Variants in P3H2 observed in about 807,000 individuals in gnomAD.
P3H2 encodes the protein prolyl 3-hydroxylase 2, also known as leprecan-like 1.
In P3H2, 80 loss-of-function variants were observed where a neutral mutation model predicts 87.0. The ratio of observed to expected loss-of-function variants is 0.92; its 90% CI spans 0.77 to 1.11. P3H2 has a LOEUF of 1.11. P3H2 is among the 50% of genes least tolerant of loss of function. The pLI is 0.00. For missense variants in P3H2, 1,001 were observed against 923.9 expected (o/e 1.08, Z -1.08); for synonymous variants, 367 against 359.3 (o/e 1.02, Z -0.24).
At chr3:190,062,386 C>T (rs1246963716) in intron 1 of P3H2, among the ~76,000 whole-genome samples, 2 of 152,156 alleles carry the variant, frequency 1.3e-5, no homozygotes, top group Admixed American at 6.6e-5. Flanking sequence ...TTATTTAATG[C>T]TCTAGTCTCA....
At chr3:190,062,287 T>C (rs999391772) in intron 1 of P3H2, among the ~76,000 whole-genome samples, 1 of 152,138 alleles carries the variant, frequency 6.6e-6, no homozygotes, top group African/African-American at 2.4e-5. Context: ...ATTACCTGTC[T>C]TTTGGCATCT....
intron 8 of P3H2, among the ~76,000 whole-genome samples, chr3:189,979,455 A>G (rs1360397589): frequency 2.0e-5 from 3 of 152,136 alleles, no homozygotes; most frequent in South Asian, 2.1e-4. Flanking sequence ...AGAACTTTTT[A>G]TGTTTACCAT....
At chr3:190,095,757 C>T (rs1273562177) in intron 1 of P3H2, among the ~76,000 whole-genome samples, 6 of 151,880 alleles carry the variant, frequency 4.0e-5, no homozygotes, top group African/African-American at 1.2e-4. Flanking sequence ...CCCGCCACCA[C>T]GCCTGGCTAA....
At chr3:190,085,735 TTAATA>T (rs146525170) in intron 1 of P3H2, among the ~76,000 whole-genome samples, 1,892 of 152,262 alleles carry the variant, frequency 0.012, 40 homozygotes, top group African/African-American at 0.043. Flanking sequence ...ATTGGCATAT[TTAATA>T]TATTTATTAA....
intron 1 of P3H2, among the ~76,000 whole-genome samples, chr3:190,038,486 G>GAAAAAA (rs57971408): frequency 1.1e-5 from 1 of 92,618 alleles, no homozygotes; most frequent in African/African-American, 4.1e-5. Context: ...ACTGCAGAAT[G>GAAAAAA]AAAAAAAAAA....
intron 1 of P3H2, among the ~76,000 whole-genome samples, chr3:190,077,615 T>C (rs1042480619): frequency 6.6e-6 from 1 of 152,164 alleles, no homozygotes; most frequent in Non-Finnish European, 1.5e-5. Flanking sequence ...TACCTCATCA[T>C]GTAGAAGGGA....
intron 1 of P3H2, among the ~76,000 whole-genome samples, chr3:189,996,912 CCACTACA>C (rs923307232): frequency 6.6e-6 from 1 of 152,212 alleles, no homozygotes; most frequent in Non-Finnish European, 1.5e-5. Flanking sequence ...TTTTGAACCA[CCACTACA>C]CAGACACTGC....
chr3:189,971,284 C>T (rs1167122601), intron 12 of P3H2, among the ~76,000 whole-genome samples: 2 of 152,124 alleles, frequency 1.3e-5, no homozygotes, highest in Non-Finnish European at 2.9e-5. Context: ...TGTTGTTTTT[C>T]TCTTTAACTT....
chr3:189,982,950 A>C, intron 8 of P3H2, 96 bp downstream of exon 8: 1 of 893,918 alleles, frequency 1.1e-6, no homozygotes, highest in Non-Finnish European at 1.9e-6. Context: ...TTTATTTTCT[A>C]GAGAAAGTGG....
At chr3:190,050,212 A>G (rs1448447762) in intron 1 of P3H2, among the ~76,000 whole-genome samples, 1 of 152,168 alleles carries the variant, frequency 6.6e-6, no homozygotes, top group East Asian at 1.9e-4. Context: ...CTTACGCTGA[A>G]CCATAATCTA....
At chr3:190,041,274 T>TAAA (rs67754532) in intron 1 of P3H2, among the ~76,000 whole-genome samples, 62 of 117,766 alleles carry the variant, frequency 5.3e-4, no homozygotes, top group African/African-American at 1.9e-3. Context: ...TAACCTGTCT[T>TAAA]AAAAAAAAAA....
chr3:190,086,988 C>T lies in P3H2; in HGVS notation c.480+33264G>A, dbSNP rs138667681. On this transcript the variant is annotated intron_variant, in intron 1 of 14. Coordinates refer to ENST00000319332, the MANE Select transcript of P3H2 (RefSeq NM_018192.4). ...ATCTGATGTGGAGCATAAGCTTTAA[C>T]TTATTTACACATAAGAGCAGTAGTA... Among the ~76,000 whole-genome samples the T allele has an allele frequency of 2.3e-3, 347 of 152,332 alleles. 1 individual carries two copies. The highest frequency in any genetic ancestry group is 7.7e-3 in the African/African-American group (320 of 41,570).
chr3:189,996,230 T>C (rs1211105371), intron 1 of P3H2, among the ~76,000 whole-genome samples: 3 of 152,100 alleles, frequency 2.0e-5, no homozygotes, highest in African/African-American at 7.2e-5. Flanking sequence ...AGCAGATGAA[T>C]GGATAAAGAA....
At chr3:190,016,301 T>C (rs990090649) in intron 1 of P3H2, among the ~76,000 whole-genome samples, 2 of 152,210 alleles carry the variant, frequency 1.3e-5, no homozygotes, top group African/African-American at 2.4e-5. Context: ...TGGAGTACAA[T>C]GGTGTGATCT....
chr3:190,038,987 C>T (rs1381503333), intron 1 of P3H2, among the ~76,000 whole-genome samples: 2 of 152,058 alleles, frequency 1.3e-5, no homozygotes, highest in Non-Finnish European at 2.9e-5. Context: ...GTCGCGAGTT[C>T]AAGACCAGCC....
intron 1 of P3H2, among the ~76,000 whole-genome samples, chr3:190,017,374 G>A (rs1560364065): frequency 6.6e-6 from 1 of 151,996 alleles, no homozygotes; most frequent in Non-Finnish European, 1.5e-5. Context: ...CAAAAGTTTG[G>A]GAATCATCCC....
At chr3:190,120,971 C>G, upstream of P3H2, 1 of 535,318 alleles carries the variant, frequency 1.9e-6, no homozygotes, top group Non-Finnish European at 3.1e-6. Context: ...CCTGAGACTC[C>G]GAGAGCCGCT....
chr3:189,963,436 A>G (rs837680), intron 14 of P3H2: 33,300 of 155,594 alleles, frequency 0.21, 3,751 homozygotes, highest in Non-Finnish European at 0.27. Flanking sequence ...GATGCCACAG[A>G]GTTGTTTTGG....
chr3:190,073,494 A>G (rs1726772364), intron 1 of P3H2, among the ~76,000 whole-genome samples: 3 of 152,120 alleles, frequency 2.0e-5, no homozygotes, highest in Admixed American at 1.3e-4. Flanking sequence ...TTGAGCATAG[A>G]TGGTAAGAGG....
Sources: allele counts gnomAD v4.1 joint callset (sites outside exome capture counted in the v4.1 genomes callset), GRCh38; gene constraint gnomAD v4.1.1; transcripts MANE v1.5; gene names NCBI Gene and HGNC (gene_info 2026-07-23, HGNC 2026-07-21).